GRID1: variants seen among roughly 807,000 people sequenced by gnomAD.
GRID1 encodes the protein glutamate receptor ionotropic, delta-1.
Under a neutral mutation model 98.0 loss-of-function variants are expected in GRID1, and 28 were observed. The ratio of observed to expected loss-of-function variants is 0.29; its 90% CI spans 0.21 to 0.39. GRID1 has a LOEUF of 0.39. GRID1 is among the 10% of genes least tolerant of loss of function. The pLI is 1.00. For synonymous variants in GRID1, 553 were observed against 538.5 expected, an observed-to-expected ratio of 1.03 and a Z score of -0.37; for missense variants, 1,111 against 1,340.5, an observed-to-expected ratio of 0.83 and a Z score of 2.67.
chr10:86,290,722 A>T (rs1847500406), intron 2 of GRID1, among the ~76,000 whole-genome samples: 1 of 152,234 alleles, frequency 6.6e-6, no homozygotes, highest in African/African-American at 2.4e-5. Flanking sequence ...AAGATAAAGC[A>T]TGAAAGACCA....
At chr10:86,155,411 GGGCAGA>G (rs1393273942) in intron 3 of GRID1, among the ~76,000 whole-genome samples, 1 of 152,194 alleles carries the variant, frequency 6.6e-6, no homozygotes, top group Non-Finnish European at 1.5e-5. Context: ...GCAACTGAAA[GGGCAGA>G]TTCAGATTCT....
intron 12 of GRID1, among the ~76,000 whole-genome samples, chr10:85,720,254 G>A (rs751596251): frequency 6.6e-6 from 1 of 152,090 alleles, no homozygotes; most frequent in Non-Finnish European, 1.5e-5. Flanking sequence ...TTTTCAGTTA[G>A]TCGATTTGCT....
intron 12 of GRID1, among the ~76,000 whole-genome samples, chr10:85,687,543 T>C (rs1437269913): frequency 1.3e-5 from 2 of 152,000 alleles, no homozygotes; most frequent in African/African-American, 4.8e-5. Flanking sequence ...GGCAGGAGGG[T>C]TGCTGGAGCC....
intron 8 of GRID1, among the ~76,000 whole-genome samples, chr10:85,810,294 C>T (rs11594778): frequency 0.2 from 30,053 of 151,984 alleles, 3,007 homozygotes; most frequent in Non-Finnish European, 0.23. Context: ...GGCTGTAACA[C>T]CATGACCCCA....
chr10:86,136,335 C>T (rs1478097999), intron 4 of GRID1, among the ~76,000 whole-genome samples: 1 of 152,226 alleles, frequency 6.6e-6, no homozygotes, highest in East Asian at 1.9e-4. Flanking sequence ...CTGCCAAACC[C>T]TGGCCAGAGA....
intron 4 of GRID1, among the ~76,000 whole-genome samples, chr10:86,121,290 A>G (rs953105429): frequency 4.6e-5 from 7 of 150,726 alleles, no homozygotes; most frequent in Non-Finnish European, 8.8e-5. Flanking sequence ...GCACCTTAAC[A>G]AAAAATCATC....
At chr10:85,894,789 C>T (rs1490042097) in intron 5 of GRID1, among the ~76,000 whole-genome samples, 2 of 151,860 alleles carry the variant, frequency 1.3e-5, no homozygotes, top group Non-Finnish European at 2.9e-5. Context: ...AGGCAGATCA[C>T]TTGAGGTCAA....
chr10:86,175,315 C>T (rs1845558804), intron 3 of GRID1, among the ~76,000 whole-genome samples: 1 of 150,970 alleles, frequency 6.6e-6, no homozygotes, highest in Non-Finnish European at 1.5e-5. Context: ...AGGCCATTTC[C>T]TCTACCTCTT....
At chr10:85,743,144 G>A (rs929174516) in intron 8 of GRID1, among the ~76,000 whole-genome samples, 1 of 125,606 alleles carries the variant, frequency 8.0e-6, no homozygotes. Context: ...AATTATCTAG[G>A]AGAATCCAGC....
intron 4 of GRID1, among the ~76,000 whole-genome samples, chr10:85,984,835 G>A (rs1468618463): frequency 2.0e-5 from 3 of 151,980 alleles, no homozygotes; most frequent in African/African-American, 7.3e-5. Context: ...GGAGCACCTG[G>A]TAGGAGCCCC....
At chr10:86,256,826 T>C (rs1477330267) in intron 2 of GRID1, among the ~76,000 whole-genome samples, 1 of 152,214 alleles carries the variant, frequency 6.6e-6, no homozygotes, top group Non-Finnish European at 1.5e-5. Flanking sequence ...CCTTGGCTTC[T>C]ACCTGGCTTC....
intron 3 of GRID1, among the ~76,000 whole-genome samples, chr10:86,139,250 G>A (rs1274781712): frequency 6.6e-6 from 1 of 152,144 alleles, no homozygotes; most frequent in East Asian, 1.9e-4. Flanking sequence ...CTACAGGTTG[G>A]ATGCCATCCA....
intron 8 of GRID1, among the ~76,000 whole-genome samples, chr10:85,809,609 C>T (rs1266978850): frequency 6.6e-6 from 1 of 152,192 alleles, no homozygotes; most frequent in African/African-American, 2.4e-5. Context: ...ACCTGCCACA[C>T]ATTTCTCCTT....
chr10:86,314,017 T>C (rs12098567), intron 2 of GRID1, among the ~76,000 whole-genome samples: 10,103 of 152,280 alleles, frequency 0.066, 922 homozygotes, highest in African/African-American at 0.21. Context: ...ATAAACTAAA[T>C]GATCCATAAA....
At chr10:86,080,419 G>GC in intron 4 of GRID1, among the ~76,000 whole-genome samples, 1 of 9,710 alleles carries the variant, frequency 1.0e-4, no homozygotes, top group Non-Finnish European at 1.9e-4. Context: ...AAGGGGAGGG[G>GC]AGGGGAGGGG....
intron 5 of GRID1, among the ~76,000 whole-genome samples, chr10:85,908,903 C>T (rs1412741592): frequency 1.3e-5 from 2 of 152,066 alleles, no homozygotes; most frequent in African/African-American, 4.8e-5. Context: ...ACACGAAAAA[C>T]ATAATTCTTA....
At chr10:86,063,391 C>T (rs748979993) in intron 4 of GRID1, among the ~76,000 whole-genome samples, 10 of 152,306 alleles carry the variant, frequency 6.6e-5, no homozygotes, top group African/African-American at 9.6e-5. Context: ...AATGCCAGAA[C>T]GGGAACCTGA....
chr10:85,712,265 C>T (rs912570325), intron 12 of GRID1, among the ~76,000 whole-genome samples: 19 of 151,754 alleles, frequency 1.3e-4, no homozygotes, highest in African/African-American at 4.6e-4. Flanking sequence ...TGTACAGGTG[C>T]CTCACTGTGG....
intron 8 of GRID1, among the ~76,000 whole-genome samples, chr10:85,773,663 A>G (rs1842297618): frequency 6.6e-6 from 1 of 152,230 alleles, no homozygotes. Context: ...AATCACAAGC[A>G]TTCTTAAATA....
Sources: gnomAD v4.1 joint callset for allele counts (sites outside exome capture counted in the v4.1 genomes callset) on GRCh38, gnomAD v4.1.1 for gene constraint, MANE v1.5 for transcripts, NCBI Gene and HGNC (gene_info 2026-07-23, HGNC 2026-07-21) for gene names.